The following EMID1 variants were observed in gnomAD, a reference collection of about 807,000 sequenced individuals.
EMID1 encodes the protein EMI domain containing 1.
A neutral mutation model predicts 60.6 loss-of-function variants in EMID1; 40 were observed. That is an observed-to-expected ratio of 0.66 (90% CI 0.51 to 0.86). The LOEUF (loss-of-function observed/expected upper bound fraction) is 0.86, where lower values mean the gene tolerates loss of function less well. Among genes scored for constraint, EMID1 ranks in the 40% least tolerant of loss-of-function variants. EMID1 has a pLI of 0.00. For synonymous variants in EMID1, 242 were observed against 231.0 expected (o/e 1.05, Z -0.43); for missense variants, 585 against 597.1 (o/e 0.98, Z 0.21).
At chr22:29,216,284 G>C in intron 3 of EMID1, 3 of 984,756 alleles carry the variant, frequency 3.0e-6, no homozygotes, top group Non-Finnish European at 3.6e-6. Context: ...CAGGAGCCTG[G>C]CCACACTCTC....
intron 1 of EMID1, among the ~76,000 whole-genome samples, chr22:29,212,606 C>T (rs1052254943): frequency 6.6e-6 from 1 of 151,942 alleles, no homozygotes; most frequent in African/African-American, 2.4e-5. Flanking sequence ...CTCTGTTGCC[C>T]AGGCTGGAAT....
rs985633923 is a variant in EMID1 at position 29,253,974 on chromosome 22, C to T, written c.1120-229C>T. 4.1e-6 allele frequency: 4 copies of T among 985,450 alleles called. No individual in the cohort carries two copies. In the African/African-American group the frequency reaches 7.0e-5, roughly 17 times the overall value. 61.0% of individuals were successfully genotyped at this position (985,450 alleles called of 1,614,324 possible). ...TTGTCAGAGAGCAGCCAGCTGGGATCCAACGGGACCTTCTGGGAGGTCCTG... is the reference window on the plus strand; with the variant it reads ...TTGTCAGAGAGCAGCCAGCTGGGATTCAACGGGACCTTCTGGGAGGTCCTG... On this transcript the variant is annotated intron_variant, in intron 13 of 14. Transcript: ENST00000334018.
chr22:29,209,934 C>G (rs1239769802), intron 1 of EMID1, among the ~76,000 whole-genome samples: 1 of 152,088 alleles, frequency 6.6e-6, no homozygotes, highest in Non-Finnish European at 1.5e-5. Flanking sequence ...TAGGTCTGCA[C>G]TTTAGAAAGA....
At chr22:29,212,140 C>G (rs2039911319) in intron 1 of EMID1, among the ~76,000 whole-genome samples, 1 of 152,132 alleles carries the variant, frequency 6.6e-6, no homozygotes, top group East Asian at 1.9e-4. Flanking sequence ...CGCACACCAC[C>G]ACGCCCAGCT....
chr22:29,214,782 A>G (rs1470707496), intron 1 of EMID1, 144 bp from the exon 2 acceptor site: 16 of 522,460 alleles, frequency 3.1e-5, no homozygotes, highest in Non-Finnish European at 5.0e-5. Flanking sequence ...TTGGGCCCAA[A>G]TGACTTTGCA....
intron 14 of EMID1, among the ~76,000 whole-genome samples, chr22:29,256,499 A>G (rs2041712471): frequency 6.6e-6 from 1 of 150,560 alleles, no homozygotes; most frequent in Non-Finnish European, 1.5e-5. Context: ...AGAAACTTAG[A>G]TCCCAAGCAG....
intron 13 of EMID1, among the ~76,000 whole-genome samples, chr22:29,249,917 C>A (rs1036413739): frequency 6.6e-6 from 1 of 151,978 alleles, no homozygotes; most frequent in African/African-American, 2.4e-5. Flanking sequence ...GCCTGGCCCC[C>A]AAAATGCCTT....
At chr22:29,237,063 G>A (rs900527873) in intron 12 of EMID1, among the ~76,000 whole-genome samples, 2 of 151,940 alleles carry the variant, frequency 1.3e-5, no homozygotes, top group African/African-American at 4.8e-5. Flanking sequence ...CCAAAGTGCT[G>A]GAATTACGGG....
chr22:29,246,804 A>G (rs1371201137), intron 13 of EMID1, among the ~76,000 whole-genome samples: 1 of 151,850 alleles, frequency 6.6e-6, no homozygotes, highest in African/African-American at 2.4e-5. Flanking sequence ...TTTTCCCCAT[A>G]TTTTTCTTTT....
intron 8 of EMID1, 196 bp from the exon 9 acceptor site, chr22:29,233,183 C>T: frequency 1.6e-6 from 1 of 637,864 alleles, no homozygotes; most frequent in Non-Finnish European, 2.8e-6. Context: ...GGTTAGAACC[C>T]ACATCTCCCT....
chr22:29,206,159 T>C lies in EMID1; in HGVS notation c.101+20T>C. 1 of 1,227,918 alleles carries C rather than the reference T, an allele frequency of 8.1e-7. No homozygotes were observed. Among genetic ancestry groups the C allele is most frequent in the Non-Finnish European group, 1.0e-6 (1 of 984,912 alleles). The allele number at this position is 1,227,918 out of a possible 1,614,324, so 76.1% of individuals were successfully genotyped here. A position where few individuals can be genotyped will look rare whatever the true frequency, so the allele number is the denominator to read the frequency against. On this transcript the variant is annotated intron_variant, in intron 1 of 14. Coordinates refer to ENST00000334018, the MANE Select transcript of EMID1 (RefSeq NM_133455.4). ...ACGCAGGTAAGAGCTCCCGGCGCCT[T>C]TGCACCCCGCTGGCCGAGGGTCCCG... is the stretch of plus-strand genomic sequence containing the variant.
chr22:29,246,098 G>A (rs998748142), intron 13 of EMID1, among the ~76,000 whole-genome samples: 1 of 152,236 alleles, frequency 6.6e-6, no homozygotes, highest in African/African-American at 2.4e-5. Context: ...GCCAGGTGAA[G>A]CCTGAAAGGT....
intron 13 of EMID1, among the ~76,000 whole-genome samples, chr22:29,244,489 A>G (rs1383150990): frequency 6.6e-6 from 1 of 152,020 alleles, no homozygotes; most frequent in Non-Finnish European, 1.5e-5. Context: ...AAATACAAAA[A>G]TTAGCTGGAC....
chr22:29,224,638 G>A (rs530822033), intron 3 of EMID1, among the ~76,000 whole-genome samples: 42 of 152,324 alleles, frequency 2.8e-4, no homozygotes, highest in Admixed American at 2.5e-3. Flanking sequence ...CAGCCACGGC[G>A]GCCATTTATT....
chr22:29,227,840 C>A (rs1204950004), intron 5 of EMID1, among the ~76,000 whole-genome samples: 1 of 151,764 alleles, frequency 6.6e-6, no homozygotes, highest in African/African-American at 2.4e-5. Flanking sequence ...ATGGTGAAAC[C>A]TCATCTTTAC....
chr22:29,231,102 C>G lies in EMID1; in HGVS notation c.548C>G (p.Pro183Arg), dbSNP rs767206038. ...GACCCTGCCCCGCTCTGGGGTCCCC[C>G]TCCTGCCCAGGGCAGCCCCGGAGAT... The part of the protein sequence containing the change: ...PEDPAPLWGP[P>R]PAQGSPGDGG... Residue 183 changes from proline to arginine, a missense_variant, in exon 6 of 15, where the codon CCT (proline) becomes CGT (arginine). Coordinates refer to ENST00000334018, the MANE Select transcript of EMID1 (RefSeq NM_133455.4). 1.2e-6 allele frequency: 2 copies of G among 1,613,152 alleles called. No homozygotes were observed. Among genetic ancestry groups the G allele is most frequent in the East Asian group, 4.5e-5 (2 of 44,886 alleles).
intron 12 of EMID1, among the ~76,000 whole-genome samples, chr22:29,235,604 T>A (rs1434073309): frequency 6.6e-6 from 1 of 151,972 alleles, no homozygotes; most frequent in African/African-American, 2.4e-5. Flanking sequence ...TTTCCCTATG[T>A]GCCTAGGCTG....
intron 12 of EMID1, among the ~76,000 whole-genome samples, chr22:29,235,500 TTC>T (rs1373643126): frequency 6.6e-6 from 1 of 152,190 alleles, no homozygotes; most frequent in Non-Finnish European, 1.5e-5. Context: ...TATTTATTCC[TTC>T]TGTTTTGTGT....
intron 7 of EMID1, 185 bp from the exon 8 acceptor site, chr22:29,232,071 C>T: frequency 1.6e-6 from 1 of 642,190 alleles, no homozygotes; most frequent in East Asian, 2.8e-5. Context: ...AAGACTCAGC[C>T]TGGACGAGGT....
Sources: gnomAD v4.1 joint callset for allele counts (sites outside exome capture counted in the v4.1 genomes callset) on GRCh38, gnomAD v4.1.1 for gene constraint, MANE v1.5 for transcripts, NCBI Gene and HGNC (gene_info 2026-07-23, HGNC 2026-07-21) for gene names.